The following CCL26 variants were observed in gnomAD, a reference collection of about 807,000 sequenced individuals.
The protein encoded by CCL26 is C-C motif chemokine 26.
Under a neutral mutation model 10.7 loss-of-function variants are expected in CCL26, and 10 were observed. The observed-to-expected ratio is 0.93, with a 90% confidence interval of 0.57 to 1.58. CCL26 has a LOEUF of 1.58. Ranked by LOEUF, CCL26 falls within the 40% of genes most tolerant of loss-of-function variation. The probability of loss-of-function intolerance (pLI) is 0.00; values close to 1 mark genes in which losing one functional copy is unlikely to be tolerated. For synonymous variants in CCL26, 43 were observed against 41.4 expected, an observed-to-expected ratio of 1.04 and a Z score of -0.15; for missense variants, 116 against 111.0, an observed-to-expected ratio of 1.05 and a Z score of -0.20.
At chr7:75,774,276 A>G (rs1429711941), upstream of CCL26, among the ~76,000 whole-genome samples, 3 of 152,136 alleles carry the variant, frequency 2.0e-5, no homozygotes, top group South Asian at 2.1e-4. Flanking sequence ...CAGCCTCCCA[A>G]GTAGCTGGGA....
chr7:75,774,545 C>G (rs1388513965), upstream of CCL26, among the ~76,000 whole-genome samples: 3 of 151,860 alleles, frequency 2.0e-5, no homozygotes, highest in Non-Finnish European at 4.4e-5. Context: ...CTCCTGGGTT[C>G]GAATGATTCT....
intron 1 of CCL26, among the ~76,000 whole-genome samples, chr7:75,777,591 T>A (rs1554528909): frequency 6.6e-6 from 1 of 151,474 alleles, no homozygotes; most frequent in Non-Finnish European, 1.5e-5. Context: ...CTACAAAAAG[T>A]AAGCAAAATT....
chr7:75,774,811 T>TCAGGAGGCCGAGGCAGGAGGGTCA (rs1802899772), upstream of CCL26, among the ~76,000 whole-genome samples: 2 of 151,984 alleles, frequency 1.3e-5, no homozygotes, highest in African/African-American at 4.8e-5. Context: ...GCCCAGCTAC[T>TCAGGAGGCCGAGGCAGGAGGGTCA]CAGGAGGCCG....
At position 75,778,673 on chromosome 7, in the gene CCL26, C is replaced by T. The variant is rs371942731; in HGVS notation, c.-78-6419G>A. 4.0e-5 allele frequency among the ~76,000 whole-genome samples: 6 copies of T among 148,710 alleles called. No homozygotes were observed. In the East Asian group the frequency reaches 1.2e-3, roughly 29 times the overall value. On this transcript the variant is annotated intron_variant, in intron 1 of 3. Coordinates refer to the CCL26 transcript ENST00000394905. ...ACAGAGTCTTGCTCTGTTGCCCAGG[C>T]TGGAATGCAGTGGCTCAATCTCAGC...
At chr7:75,771,075 A>G (rs1469438721) in intron 2 of CCL26, among the ~76,000 whole-genome samples, 1 of 150,848 alleles carries the variant, frequency 6.6e-6, no homozygotes, top group African/African-American at 2.4e-5. Context: ...GGATAACTGT[A>G]ATTCACTCTT....
upstream of CCL26, among the ~76,000 whole-genome samples, chr7:75,774,641 T>A (rs546691412): frequency 2.0e-5 from 3 of 152,142 alleles, no homozygotes; most frequent in East Asian, 5.8e-4. Context: ...AGACAGGGTT[T>A]CACTATGTTG....
At chr7:75,770,058 C>A (rs1408942646) in intron 2 of CCL26, among the ~76,000 whole-genome samples, 1 of 143,460 alleles carries the variant, frequency 7.0e-6, no homozygotes, top group Non-Finnish European at 1.5e-5. Context: ...TAACCTGCAC[C>A]AGGACACTTA....
At chr7:75,788,075 C>T (rs556662218) in intron 1 of CCL26, among the ~76,000 whole-genome samples, 21 of 152,158 alleles carry the variant, frequency 1.4e-4, no homozygotes, top group African/African-American at 4.8e-4. Flanking sequence ...CGCCCATTAT[C>T]TCTCCATACC....
chr7:75,776,497 C>T (rs1451841014), upstream of CCL26, among the ~76,000 whole-genome samples: 6 of 140,402 alleles, frequency 4.3e-5, no homozygotes, highest in African/African-American at 1.6e-4. Context: ...GCTACGATTG[C>T]ATCACTGCAC....
intron 1 of CCL26, among the ~76,000 whole-genome samples, chr7:75,777,740 A>AAAAAAAAAAAAAC (rs1554528940): frequency 3.3e-5 from 5 of 150,852 alleles, no homozygotes; most frequent in Non-Finnish European, 7.4e-5. Context: ...AAAAAAAAAA[A>AAAAAAAAAAAAAC]AAGCAGCAGC....
intron 1 of CCL26, among the ~76,000 whole-genome samples, chr7:75,778,084 C>T (rs111873172): frequency 1.2e-3 from 182 of 152,286 alleles, no homozygotes; most frequent in African/African-American, 4.3e-3. Flanking sequence ...TGTACTGGCA[C>T]TCCTATTGCC....
chr7:75,770,633 A>C (rs569286305), intron 2 of CCL26, among the ~76,000 whole-genome samples: 1 of 148,138 alleles, frequency 6.8e-6, no homozygotes, highest in East Asian at 2.1e-4. Flanking sequence ...TGCCCACCTC[A>C]GCCTCCCAAA....
chr7:75,790,837 G>A (rs150175779), upstream of CCL26, among the ~76,000 whole-genome samples: 2,184 of 151,570 alleles, frequency 0.014, 44 homozygotes, highest in African/African-American at 0.043. Context: ...TCAGCTACTC[G>A]GGAGGCTGAG....
chr7:75,771,404 C>T (rs1415266360), intron 2 of CCL26, among the ~76,000 whole-genome samples: 3 of 152,148 alleles, frequency 2.0e-5, no homozygotes, highest in Non-Finnish European at 4.4e-5. Flanking sequence ...TTCCTGAGCT[C>T]TTACTTCACT....
intron 2 of CCL26, among the ~76,000 whole-genome samples, chr7:75,771,353 T>G (rs1315149063): frequency 6.6e-6 from 1 of 152,174 alleles, no homozygotes; most frequent in Non-Finnish European, 1.5e-5. Flanking sequence ...TGTCATTTAA[T>G]TGTTAGCCAC....
intron 2 of CCL26, 128 bp from the exon 3 acceptor site, chr7:75,769,917 C>T: frequency 1.6e-6 from 1 of 622,214 alleles, no homozygotes; most frequent in South Asian, 1.9e-5. Flanking sequence ...GCTCTCTGTC[C>T]CTGTCCCCTC....
intron 1 of CCL26, among the ~76,000 whole-genome samples, chr7:75,780,813 C>A (rs954087888): frequency 2.0e-5 from 3 of 152,128 alleles, no homozygotes; most frequent in Non-Finnish European, 2.9e-5. Flanking sequence ...CCAGGCCGAG[C>A]CAGGTCCCAG....
chr7:75,771,511 A>G (rs1554528081), intron 2 of CCL26, among the ~76,000 whole-genome samples: 1 of 152,134 alleles, frequency 6.6e-6, no homozygotes, highest in Admixed American at 6.6e-5. Flanking sequence ...ACATGAGCTC[A>G]GAAGTTTAAG....
At chr7:75,781,686 T>C (rs113452144) in intron 1 of CCL26, among the ~76,000 whole-genome samples, 27 of 152,318 alleles carry the variant, frequency 1.8e-4, no homozygotes, top group African/African-American at 6.0e-4. Context: ...GAAATTCCTT[T>C]TCCTGGCTCA....
Sources: allele counts gnomAD v4.1 joint callset (sites outside exome capture counted in the v4.1 genomes callset), GRCh38; gene constraint gnomAD v4.1.1; transcripts MANE v1.5; gene names NCBI Gene and HGNC (gene_info 2026-07-23, HGNC 2026-07-21).